Variants in CAMTA1 observed in about 807,000 individuals in gnomAD.
The protein encoded by CAMTA1 is calmodulin binding transcription activator 1.
A neutral mutation model predicts 170.9 loss-of-function variants in CAMTA1; 27 were observed. The ratio of observed to expected loss-of-function variants is 0.16; its 90% CI spans 0.12 to 0.22. The LOEUF is 0.22. Among genes scored for constraint, CAMTA1 ranks in the 10% least tolerant of loss-of-function variants. The pLI, the probability that CAMTA1 is intolerant of heterozygous loss-of-function variation, is 1.00. For missense variants in CAMTA1, 1,619 were observed against 2,217.2 expected (o/e 0.73, Z 5.42); for synonymous variants, 833 against 891.5 (o/e 0.93, Z 1.17).
chr1:7,042,826 GTTTGT>G (rs1558013770), intron 3 of CAMTA1, among the ~76,000 whole-genome samples: 1 of 152,168 alleles, frequency 6.6e-6, no homozygotes, highest in Non-Finnish European at 1.5e-5. Context: ...ACCTCTAGGC[GTTTGT>G]TACCTAGAGT....
At chr1:7,141,374 A>G (rs2148617366) in intron 4 of CAMTA1, among the ~76,000 whole-genome samples, 1 of 152,280 alleles carries the variant, frequency 6.6e-6, no homozygotes, top group South Asian at 2.1e-4. Context: ...TTCCTGGAGA[A>G]TGTTATCTCT....
At chr1:7,669,375 G>C (rs1011366143) in intron 9 of CAMTA1, among the ~76,000 whole-genome samples, 2 of 152,260 alleles carry the variant, frequency 1.3e-5, no homozygotes, top group African/African-American at 4.8e-5. Flanking sequence ...GATGCCCTGG[G>C]CCAGGCCTGG....
Position 7,091,504 on chromosome 1 carries a change from A to C in CAMTA1, c.302+133A>C, listed in dbSNP as rs1572967836. The C allele has an allele frequency of 4.3e-6, 3 of 701,784 alleles. No individual in the cohort carries two copies. The South Asian group carries it at 4.8e-5, about 11-fold the overall frequency. 43.5% of individuals were successfully genotyped at this position (701,784 alleles called of 1,614,324 possible). ...CATGTTGTGCTGGATGGCTTTCGAC[A>C]CTGAGGTCTCATTCATTGACATAAG... is the stretch of plus-strand genomic sequence containing the variant. On this transcript the variant is annotated intron_variant, in intron 4 of 22. Transcript: ENST00000303635.
intron 6 of CAMTA1, among the ~76,000 whole-genome samples, chr1:7,475,776 T>C (rs1437800797): frequency 2.0e-5 from 3 of 152,260 alleles, no homozygotes; most frequent in East Asian, 1.9e-4. Context: ...CAGTGTTTCA[T>C]AGAAGAAGAA....
intron 3 of CAMTA1, among the ~76,000 whole-genome samples, chr1:7,035,164 G>A (rs1423415617): frequency 6.6e-6 from 1 of 152,158 alleles, no homozygotes; most frequent in East Asian, 1.9e-4. Context: ...CACTTTGGGA[G>A]GCTGAGGCAG....
At chr1:7,106,241 A>C (rs1277823731) in intron 4 of CAMTA1, among the ~76,000 whole-genome samples, 1 of 150,538 alleles carries the variant, frequency 6.6e-6, no homozygotes, top group African/African-American at 2.5e-5. Context: ...GGATACACTG[A>C]GGGAGGGAGG....
intron 6 of CAMTA1, among the ~76,000 whole-genome samples, chr1:7,488,930 TCACA>T (rs1226595176): frequency 6.6e-6 from 1 of 151,790 alleles, no homozygotes; most frequent in Non-Finnish European, 1.5e-5. Flanking sequence ...CATGCACACG[TCACA>T]CACAATACAC....
chr1:7,192,888 G>T (rs112537580), intron 4 of CAMTA1, among the ~76,000 whole-genome samples: 1,855 of 152,316 alleles, frequency 0.012, 15 homozygotes, highest in Middle Eastern at 0.02. Flanking sequence ...GCAAGCTTTA[G>T]TCTGAGGTTC....
intron 4 of CAMTA1, among the ~76,000 whole-genome samples, chr1:7,097,891 G>GT (rs1642262556): frequency 6.6e-6 from 1 of 152,222 alleles, no homozygotes. Context: ...TGGGTACAGC[G>GT]TTTCAGCTGG....
chr1:7,556,735 G>C (rs991160372), intron 6 of CAMTA1, among the ~76,000 whole-genome samples: 1 of 151,968 alleles, frequency 6.6e-6, no homozygotes, highest in Admixed American at 6.6e-5. Context: ...CACCCACTCA[G>C]CCCTGTGACC....
At chr1:7,398,154 GCTCTCTCTCTCTCTCTCTCTCTCTCT>G (rs371668581) in intron 5 of CAMTA1, among the ~76,000 whole-genome samples, 2 of 26,264 alleles carry the variant, frequency 7.6e-5, no homozygotes, top group Non-Finnish European at 1.6e-4. Flanking sequence ...TAATAATATT[GCTCTCTCTCTCTCTCTCTCTCTCTCT>G]CTCTCTCTCT....
intron 5 of CAMTA1, among the ~76,000 whole-genome samples, chr1:7,427,596 C>T (rs80042006): frequency 0.017 from 2,632 of 152,330 alleles, 35 homozygotes; most frequent in African/African-American, 0.035. Context: ...TCCTTCCCAG[C>T]AGTGAGTGCA....
At position 6,917,932 on chromosome 1, in the gene CAMTA1, G is replaced by A. The variant is rs1039232889; in HGVS notation, c.234+92722G>A. On this transcript the variant is annotated intron_variant, in intron 3 of 22. Coordinates refer to ENST00000303635, the MANE Select transcript of CAMTA1 (RefSeq NM_015215.4). ...GCAGGTGGAGGCCATGGGTCACAGC[G>A]AAGACGTTCCAGGTAGCTGGACCAA... Among the ~76,000 whole-genome samples, 22 of 152,046 alleles carry A rather than the reference G, an allele frequency of 1.4e-4. 1 individual carries two copies. Among genetic ancestry groups the A allele is most frequent in the African/African-American group, 4.3e-4 (18 of 41,402 alleles).
intron 6 of CAMTA1, among the ~76,000 whole-genome samples, chr1:7,544,971 T>C (rs973635928): frequency 1.3e-5 from 2 of 152,182 alleles, no homozygotes; most frequent in Non-Finnish European, 2.9e-5. Flanking sequence ...ATCTCCCACA[T>C]GGCCCCACCC....
intron 3 of CAMTA1, among the ~76,000 whole-genome samples, chr1:7,083,624 G>A (rs970808284): frequency 1.3e-5 from 2 of 152,194 alleles, no homozygotes; most frequent in African/African-American, 4.8e-5. Flanking sequence ...GAAAGCCGGT[G>A]GGGAAGATGC....
intron 3 of CAMTA1, among the ~76,000 whole-genome samples, chr1:6,827,826 C>T (rs1291397349): frequency 1.3e-5 from 2 of 152,096 alleles, no homozygotes; most frequent in East Asian, 1.9e-4. Flanking sequence ...ATTAAGAGCC[C>T]GTTTTCCTTC....
chr1:7,722,485 G>C (rs766636480), intron 11 of CAMTA1, among the ~76,000 whole-genome samples: 22 of 152,154 alleles, frequency 1.4e-4, no homozygotes, highest in Non-Finnish European at 3.2e-4. Context: ...TTGTTTGGAA[G>C]AGTTTTTTCA....
intron 5 of CAMTA1, among the ~76,000 whole-genome samples, chr1:7,376,112 G>A (rs542589355): frequency 2.6e-5 from 4 of 152,340 alleles, no homozygotes; most frequent in African/African-American, 9.6e-5. Flanking sequence ...GCTCCCTTGG[G>A]TCTTGTTTAT....
At chr1:6,984,879 G>A (rs984551558) in intron 3 of CAMTA1, among the ~76,000 whole-genome samples, 3 of 152,212 alleles carry the variant, frequency 2.0e-5, no homozygotes, top group Non-Finnish European at 2.9e-5. Context: ...TCCTGGGGAC[G>A]ACAGTCTGGA....
Sources: gnomAD v4.1 joint callset for allele counts (sites outside exome capture counted in the v4.1 genomes callset) on GRCh38, gnomAD v4.1.1 for gene constraint, MANE v1.5 for transcripts, NCBI Gene and HGNC (gene_info 2026-07-23, HGNC 2026-07-21) for gene names.